The following POLB variants were observed in gnomAD, a reference collection of about 807,000 sequenced individuals.
The protein encoded by POLB is 5'-dRP lyase.
A neutral mutation model predicts 52.7 loss-of-function variants in POLB; 37 were observed. That is an observed-to-expected ratio of 0.70 (90% CI 0.54 to 0.92). The LOEUF (loss-of-function observed/expected upper bound fraction) is 0.92. Ranked by LOEUF, POLB falls within the 40% of genes least tolerant of loss-of-function variation. The pLI, the probability that POLB is intolerant of heterozygous loss-of-function variation, is 0.00. For missense variants in POLB, 313 were observed against 400.8 expected (o/e 0.78, Z 1.87); for synonymous variants, 138 against 131.3 (o/e 1.05, Z -0.35).
At chr8:42,361,981 G>C (rs1823722175) in intron 10 of POLB, among the ~76,000 whole-genome samples, 1 of 152,186 alleles carries the variant, frequency 6.6e-6, no homozygotes, top group East Asian at 1.9e-4. Flanking sequence ...ACATAGAGAT[G>C]GCCGGGCACG....
At chr8:42,367,356 T>TGG in intron 11 of POLB, among the ~76,000 whole-genome samples, 1 of 152,148 alleles carries the variant, frequency 6.6e-6, no homozygotes, top group Middle Eastern at 3.4e-3. Flanking sequence ...ATAGTGTGGT[T>TGG]GGAGGCAGCC....
intron 11 of POLB, among the ~76,000 whole-genome samples, chr8:42,366,107 A>G (rs895270058): frequency 7.2e-5 from 11 of 151,888 alleles, no homozygotes; most frequent in Admixed American, 5.9e-4. Context: ...CCCAAAGGAA[A>G]AAAAAAAAAG....
chr8:42,364,504 C>T (rs370481549), intron 11 of POLB, among the ~76,000 whole-genome samples: 6 of 152,180 alleles, frequency 3.9e-5, no homozygotes, highest in African/African-American at 1.4e-4. Context: ...ACTGGGATTA[C>T]ATGTATGAGC....
At chr8:42,340,005 G>T (rs980365570) in intron 2 of POLB, 2 of 151,890 alleles carry the variant, frequency 1.3e-5, no homozygotes, top group African/African-American at 4.8e-5. Flanking sequence ...TTCATTCCTT[G>T]CCTGGACTTC....
At chr8:42,356,525 C>T (rs1823325172) in intron 7 of POLB, among the ~76,000 whole-genome samples, 2 of 152,194 alleles carry the variant, frequency 1.3e-5, no homozygotes. Context: ...TAGGAACCAT[C>T]ACTACAGTCA....
chr8:42,369,989 G>T lies in POLB; in HGVS notation c.913+1G>T, dbSNP rs763839116. On this transcript the variant is annotated splice_donor_variant, in intron 13 of 13. Transcript: ENST00000265421. LOFTEE classifies it high-confidence loss of function. ...ACCATCCGTCCCTTGGGAGTCACTG[G>T]TGAGTGTCCATGTGTGTATTAGAGA... The T allele has an allele frequency of 1.2e-6, 2 of 1,605,842 alleles. No individual in the cohort carries two copies. Among genetic ancestry groups the T allele is most frequent in the Non-Finnish European group, 1.7e-6 (2 of 1,173,002 alleles).
intron 2 of POLB, among the ~76,000 whole-genome samples, chr8:42,344,121 C>T (rs1251175933): frequency 3.0e-5 from 3 of 99,824 alleles, no homozygotes; most frequent in Non-Finnish European, 5.5e-5. Flanking sequence ...ACAGACTGGG[C>T]GAGACTCCGT....
At chr8:42,357,146 G>A (rs558366486) in intron 7 of POLB, 23 bp from the exon 8 acceptor site, 3 of 1,328,002 alleles carry the variant, frequency 2.3e-6, no homozygotes, top group Non-Finnish European at 2.1e-6. Context: ...AAAATCTTTT[G>A]TCTACTTATT....
intron 5 of POLB, among the ~76,000 whole-genome samples, chr8:42,350,537 G>T (rs988990129): frequency 6.6e-6 from 1 of 151,932 alleles, no homozygotes; most frequent in African/African-American, 2.4e-5. Flanking sequence ...TCAGCATCCC[G>T]AGTAGCTTGG....
At chr8:42,352,614 G>T in intron 6 of POLB, 46 bp downstream of exon 6, 33 of 1,108,462 alleles carry the variant, frequency 3.0e-5, no homozygotes, top group Non-Finnish European at 4.0e-5. Context: ...ATATGGTCCT[G>T]AAGGACCATT....
At chr8:42,367,955 C>T (rs1221514269) in intron 11 of POLB, among the ~76,000 whole-genome samples, 3 of 152,080 alleles carry the variant, frequency 2.0e-5, no homozygotes, top group East Asian at 1.9e-4. Flanking sequence ...ATGGCTACCC[C>T]GAGGAAATGA....
In POLB at chr8:42,354,303, A is replaced by T. The variant is rs543903251; in HGVS notation, c.371-1213A>T. ...ATTAAGTGCTCTATATTTCATAAAGATGCTTATTTTTCTCGATTTTATATC... is the reference window on the plus strand; with the variant it reads ...ATTAAGTGCTCTATATTTCATAAAGTTGCTTATTTTTCTCGATTTTATATC... On this transcript the variant is annotated intron_variant, in intron 6 of 13. Coordinates refer to ENST00000265421, the MANE Select transcript of POLB (RefSeq NM_002690.3). 5.8e-5 allele frequency: 23 copies of T among 393,862 alleles called. No homozygotes were observed. In the East Asian group the frequency reaches 1.7e-3, roughly 29 times the overall value. The allele number at this position is 393,862 out of a possible 1,614,324, so 24.4% of individuals were successfully genotyped here.
rs200554507 is a variant in POLB, at chr8:42,357,191, A to G, written c.445A>G (p.Arg149Gly). 1.5e-5 allele frequency: 23 copies of G among 1,558,824 alleles called. No homozygotes were observed. The highest frequency in any genetic ancestry group is 1.9e-5 in the Non-Finnish European group (22 of 1,131,156). ...TAGATATTTTGGGGACTTTGAAAAA[A>G]GAATTCCTCGTGAAGAGATGTTACA... ...GLKYFGDFEK[R>G]IPREEMLQMQ... The change falls in exon 8 of 14, where the codon AGA becomes GGA. Residue 149 changes from arginine (R) to glycine (G), a missense_variant. Transcript: ENST00000265421.
At chr8:42,349,972 C>T (rs1241993762) in intron 4 of POLB, 35 bp from the exon 5 acceptor site, 2 of 1,428,776 alleles carry the variant, frequency 1.4e-6, no homozygotes, top group South Asian at 1.1e-5. Flanking sequence ...TCAAAGCATT[C>T]CTAAATCATT....
At position 42,338,888 on chromosome 8, in the gene POLB, G is replaced by A. The variant is rs143056566; in HGVS notation, c.62-124G>A. On this transcript the variant is annotated intron_variant, in intron 1 of 13. Coordinates refer to ENST00000265421, the MANE Select transcript of POLB (RefSeq NM_002690.3). ...TGGGCCATCGCTTGGGCTGCTTTTG[G>A]TCTGGCCCTTGGAGGAAACGGGTGG... 175 of 986,280 alleles carry A rather than the reference G, an allele frequency of 1.8e-4. No individual in the cohort carries two copies. In the East Asian group the frequency reaches 2.1e-3, roughly 12 times the overall value. The allele number at this position is 986,280 out of a possible 1,614,324, so 61.1% of individuals were successfully genotyped here.
At chr8:42,343,374 A>ATATATAT (rs1585868443) in intron 2 of POLB, among the ~76,000 whole-genome samples, 4 of 115,246 alleles carry the variant, frequency 3.5e-5, no homozygotes, top group Admixed American at 1.0e-4. Flanking sequence ...ATATATACAC[A>ATATATAT]AAATTAGCCA....
At chr8:42,364,187 A>G (rs965943866) in intron 11 of POLB, among the ~76,000 whole-genome samples, 12 of 152,060 alleles carry the variant, frequency 7.9e-5, no homozygotes, top group Admixed American at 4.6e-4. Flanking sequence ...TCAGCCTCCC[A>G]AAGTACTGGG....
chr8:42,342,730 C>G, intron 2 of POLB: 1 of 395,038 alleles, frequency 2.5e-6, no homozygotes. Context: ...CACAGTGGCT[C>G]ACGTCTGTAA....
At position 42,358,434 on chromosome 8, in the gene POLB, G is replaced by A. The variant is rs551859163; in HGVS notation, c.550+1042G>A. ...GGAGAATGGCATGAACCTGGGAGGC[G>A]GAGCTTGCAGTGAGCCGAGATCAAG... On this transcript the variant is annotated intron_variant, in intron 9 of 13. Transcript: ENST00000265421. Among the ~76,000 whole-genome samples the A allele has an allele frequency of 9.2e-5, 14 of 152,148 alleles. No homozygotes were observed. The East Asian group carries it at 1.6e-3, about 17-fold the overall frequency.
Sources: allele counts gnomAD v4.1 joint callset (sites outside exome capture counted in the v4.1 genomes callset), GRCh38; gene constraint gnomAD v4.1.1; transcripts MANE v1.5; gene names NCBI Gene and HGNC (gene_info 2026-07-23, HGNC 2026-07-21).